Variants in FOXP1 observed in about 807,000 individuals in gnomAD.
FOXP1 encodes forkhead box protein P1.
Under a neutral mutation model 98.2 loss-of-function variants are expected in FOXP1, and 15 were observed. The ratio of observed to expected loss-of-function variants is 0.15; its 90% CI spans 0.10 to 0.24. FOXP1 has a LOEUF of 0.24. Among genes scored for constraint, FOXP1 ranks in the 10% least tolerant of loss-of-function variants. The pLI, the probability that FOXP1 is intolerant of heterozygous loss-of-function variation, is 1.00. For missense variants in FOXP1, 633 were observed against 848.5 expected, an observed-to-expected ratio of 0.75 and a Z score of 3.15; for synonymous variants, 371 against 314.5, an observed-to-expected ratio of 1.18 and a Z score of -1.90.
intron 2 of FOXP1, among the ~76,000 whole-genome samples, chr3:71,538,416 T>C (rs2044483909): frequency 6.6e-6 from 1 of 152,260 alleles, no homozygotes; most frequent in African/African-American, 2.4e-5. Context: ...TGGAATTGAA[T>C]ATGCGGTCCC....
intron 5 of FOXP1, among the ~76,000 whole-genome samples, chr3:71,241,407 G>T (rs9838220): frequency 6.6e-6 from 1 of 151,878 alleles, no homozygotes; most frequent in Non-Finnish European, 1.5e-5. Flanking sequence ...AGCATTTGGC[G>T]TCTCAAATTA....
At chr3:70,962,571 TC>T (rs2033799193) in intron 20 of FOXP1, among the ~76,000 whole-genome samples, 1 of 152,246 alleles carries the variant, frequency 6.6e-6, no homozygotes, top group African/African-American at 2.4e-5. Context: ...GGTGAACATT[TC>T]CTAATGTTTG....
intron 6 of FOXP1, among the ~76,000 whole-genome samples, chr3:71,172,863 C>T (rs73839420): frequency 0.011 from 1,649 of 152,232 alleles, 30 homozygotes; most frequent in African/African-American, 0.037. Context: ...ATTACTGAAG[C>T]GCCAATTGTC....
intron 17 of FOXP1, among the ~76,000 whole-genome samples, chr3:70,973,164 T>G (rs1211604938): frequency 6.6e-6 from 1 of 152,226 alleles, no homozygotes; most frequent in Non-Finnish European, 1.5e-5. Flanking sequence ...TATGAAGAAT[T>G]CTAAAGTGGA....
intron 10 of FOXP1, among the ~76,000 whole-genome samples, chr3:71,046,024 G>C (rs2048990161): frequency 6.6e-6 from 1 of 152,118 alleles, no homozygotes; most frequent in South Asian, 2.1e-4. Context: ...TGGAGGAATT[G>C]TGTTTCAAAA....
chr3:71,559,966 T>A (rs1216569712), intron 2 of FOXP1, among the ~76,000 whole-genome samples: 2 of 152,072 alleles, frequency 1.3e-5, no homozygotes, highest in Non-Finnish European at 2.9e-5. Context: ...TGGCAGAACA[T>A]AAACCTAGAT....
chr3:70,959,615 C>A (rs1250378865), intron 20 of FOXP1, among the ~76,000 whole-genome samples: 8 of 152,178 alleles, frequency 5.3e-5, no homozygotes, highest in Non-Finnish European at 1.0e-4. Flanking sequence ...TGTTCAAAGG[C>A]CCCATGTGAC....
At chr3:71,091,488 T>TCAAAA (rs3064143) in intron 7 of FOXP1, among the ~76,000 whole-genome samples, 14,377 of 150,056 alleles carry the variant, frequency 0.096, 1,567 homozygotes, top group African/African-American at 0.27. Context: ...AGACTCCGTC[T>TCAAAA]CAAAACAAAA....
chr3:71,156,663 A>G (rs2060838622), intron 6 of FOXP1, among the ~76,000 whole-genome samples: 2 of 152,252 alleles, frequency 1.3e-5, no homozygotes, highest in South Asian at 4.1e-4. Flanking sequence ...GCTCTTTTCT[A>G]ATGGGCAGAG....
chr3:71,034,457 T>C (rs966404723), intron 11 of FOXP1, among the ~76,000 whole-genome samples: 1 of 152,026 alleles, frequency 6.6e-6, no homozygotes, highest in Non-Finnish European at 1.5e-5. Flanking sequence ...GATAACATCA[T>C]TCTGGGCCCC....
chr3:71,416,259 G>A (rs559880565), intron 3 of FOXP1, among the ~76,000 whole-genome samples: 56 of 151,988 alleles, frequency 3.7e-4, no homozygotes, highest in Non-Finnish European at 6.0e-4. Context: ...TCAGGGGCTG[G>A]GCACAGTGAC....
At chr3:71,334,499 T>C (rs2076551321) in intron 4 of FOXP1, 1 of 152,152 alleles carries the variant, frequency 6.6e-6, no homozygotes. Flanking sequence ...GAAACATTCC[T>C]GAAATTAAAA....
intron 1 of FOXP1, chr3:71,582,430 C>A (rs1214893652): frequency 1.0e-6 from 1 of 985,096 alleles, no homozygotes; most frequent in African/African-American, 1.7e-5. Context: ...GGCTCGCTGG[C>A]TCCAGGGAGT....
At chr3:71,022,048 A>T (rs1405228055) in intron 11 of FOXP1, among the ~76,000 whole-genome samples, 1 of 152,196 alleles carries the variant, frequency 6.6e-6, no homozygotes, top group Non-Finnish European at 1.5e-5. Flanking sequence ...GGTAACAAAG[A>T]GTTACTTCTA....
At chr3:71,093,082 G>C (rs1559913339) in intron 7 of FOXP1, among the ~76,000 whole-genome samples, 1 of 151,882 alleles carries the variant, frequency 6.6e-6, no homozygotes, top group Non-Finnish European at 1.5e-5. Flanking sequence ...CCAACATGGT[G>C]AAACCCCGTC....
At chr3:71,233,060 G>A (rs138120397) in intron 5 of FOXP1, among the ~76,000 whole-genome samples, 4 of 151,518 alleles carry the variant, frequency 2.6e-5, no homozygotes, top group Non-Finnish European at 5.9e-5. Flanking sequence ...CAGGAGGATC[G>A]TTTGAACCCA....
intron 3 of FOXP1, among the ~76,000 whole-genome samples, chr3:71,485,917 A>G (rs375846975): frequency 6.6e-6 from 1 of 152,200 alleles, no homozygotes. Flanking sequence ...TCCCTTTTAC[A>G]TTGCTGCCTC....
At chr3:71,105,202 GC>G (rs1219568612) in intron 7 of FOXP1, among the ~76,000 whole-genome samples, 1 of 151,466 alleles carries the variant, frequency 6.6e-6, no homozygotes, top group Non-Finnish European at 1.5e-5. Context: ...AATATGGCTT[GC>G]GTTTTCTTTT....
chr3:71,581,265 G>C, intron 2 of FOXP1: 2 of 985,320 alleles, frequency 2.0e-6, no homozygotes, highest in South Asian at 9.4e-5. Flanking sequence ...TGAGAAGGGG[G>C]GCGAGGATGT....
Sources: gnomAD v4.1 joint callset for allele counts (sites outside exome capture counted in the v4.1 genomes callset) on GRCh38, gnomAD v4.1.1 for gene constraint, MANE v1.5 for transcripts, NCBI Gene and HGNC (gene_info 2026-07-23, HGNC 2026-07-21) for gene names.